Variants in THADA observed in about 807,000 individuals in gnomAD.
THADA encodes the protein THADA armadillo repeat containing.
A neutral mutation model predicts 219.8 loss-of-function variants in THADA; 213 were observed. The ratio of observed to expected loss-of-function variants is 0.97; its 90% CI spans 0.87 to 1.09. The LOEUF is 1.09. THADA is among the 50% of genes least tolerant of loss of function. The pLI is 0.00. For missense variants in THADA, 2,956 were observed against 2,311.3 expected (o/e 1.28, Z -5.72); for synonymous variants, 1,018 against 828.9 (o/e 1.23, Z -3.92).
rs146749321 is a variant in THADA at position 43,252,816 on chromosome 2, C to A, written c.5297-19934G>T. Among the ~76,000 whole-genome samples the A allele has an allele frequency of 4.0e-3, 616 of 152,332 alleles. 8 individuals carry two copies. The highest frequency in any genetic ancestry group is 0.013 in the African/African-American group (556 of 41,566). ...TTCTACTTTGAGCCACCAATTCCAGCTGAGTAGCGGCAGTCTGCTGATGAA... is the reference window on the plus strand; with the variant it reads ...TTCTACTTTGAGCCACCAATTCCAGATGAGTAGCGGCAGTCTGCTGATGAA... On this transcript the variant is annotated intron_variant, in intron 36 of 37. Coordinates refer to ENST00000405975, the MANE Select transcript of THADA (RefSeq NM_022065.5).
intron 30 of THADA, among the ~76,000 whole-genome samples, chr2:43,340,770 A>G (rs573091384): frequency 6.6e-6 from 1 of 152,268 alleles, no homozygotes; most frequent in South Asian, 2.1e-4. Context: ...AATTTGGAAT[A>G]CTCTGCACTG....
intron 30 of THADA, among the ~76,000 whole-genome samples, chr2:43,326,771 C>G (rs942536206): frequency 8.5e-5 from 13 of 152,174 alleles, no homozygotes; most frequent in African/African-American, 3.1e-4. Context: ...CACTGGACAG[C>G]TGGGGTCCCC....
chr2:43,332,757 C>A (rs2104502443), intron 30 of THADA, among the ~76,000 whole-genome samples: 1 of 152,282 alleles, frequency 6.6e-6, no homozygotes, highest in East Asian at 1.9e-4. Flanking sequence ...CCCAGTAAGC[C>A]AACAGCTACA....
chr2:43,372,908 TAG>T (rs1176359494), intron 29 of THADA, among the ~76,000 whole-genome samples: 1 of 152,130 alleles, frequency 6.6e-6, no homozygotes, highest in Non-Finnish European at 1.5e-5. Flanking sequence ...TTCACTATGT[TAG>T]CCAGGCTGCT....
intron 36 of THADA, among the ~76,000 whole-genome samples, chr2:43,271,308 C>T (rs1440610493): frequency 6.6e-6 from 1 of 151,616 alleles, no homozygotes; most frequent in African/African-American, 2.4e-5. Flanking sequence ...AGTTCCTCAT[C>T]AGCTGTTTGA....
chr2:43,489,922 C>CTGAATCTAT (rs1193462439), intron 25 of THADA, among the ~76,000 whole-genome samples: 1 of 140,440 alleles, frequency 7.1e-6, no homozygotes, highest in Non-Finnish European at 1.5e-5. Context: ...AGAGGTTGTG[C>CTGAATCTAT]TGAATCTATA....
At chr2:43,441,230 CCTT>C (rs1380706143) in intron 26 of THADA, among the ~76,000 whole-genome samples, 2 of 152,150 alleles carry the variant, frequency 1.3e-5, no homozygotes, top group Non-Finnish European at 2.9e-5. Flanking sequence ...CAGGAAGTGT[CCTT>C]CTAACATTCT....
chr2:43,474,819 G>C (rs62138766), intron 26 of THADA, among the ~76,000 whole-genome samples: 2 of 152,130 alleles, frequency 1.3e-5, no homozygotes, highest in East Asian at 1.9e-4. Context: ...TGTGTTTATA[G>C]AGTGGAAAAT....
At chr2:43,259,798 A>G (rs936303853) in intron 36 of THADA, among the ~76,000 whole-genome samples, 7 of 152,210 alleles carry the variant, frequency 4.6e-5, no homozygotes, top group Admixed American at 6.5e-5. Flanking sequence ...CCTTATACAT[A>G]TATCTTTGGC....
intron 25 of THADA, among the ~76,000 whole-genome samples, chr2:43,486,204 C>A (rs1408615421): frequency 1.3e-5 from 2 of 152,108 alleles, no homozygotes; most frequent in African/African-American, 4.8e-5. Context: ...AGTAACTTAC[C>A]AAGTAATTTC....
intron 12 of THADA, among the ~76,000 whole-genome samples, chr2:43,572,529 G>C (rs550533441): frequency 7.9e-5 from 12 of 152,232 alleles, no homozygotes; most frequent in African/African-American, 2.9e-4. Context: ...CCTTCCAAGC[G>C]AGTCCTTATG....
At chr2:43,438,003 C>T (rs1680335043) in intron 26 of THADA, among the ~76,000 whole-genome samples, 1 of 151,980 alleles carries the variant, frequency 6.6e-6, no homozygotes, top group Non-Finnish European at 1.5e-5. Context: ...AAAGGATGCT[C>T]AACTATACCA....
chr2:43,491,390 T>C (rs938038583), intron 25 of THADA, among the ~76,000 whole-genome samples: 1 of 152,020 alleles, frequency 6.6e-6, no homozygotes, highest in Non-Finnish European at 1.5e-5. Context: ...CATTAATAAG[T>C]AAAAAGGAGA....
At chr2:43,386,851 G>T (rs35491011) in intron 29 of THADA, among the ~76,000 whole-genome samples, 78,896 of 148,830 alleles carry the variant, frequency 0.53, 21,888 homozygotes, top group African/African-American at 0.65. Flanking sequence ...TGAGCCGAGA[G>T]CATGCCACTG....
At chr2:43,391,623 A>G (rs183549910) in intron 29 of THADA, among the ~76,000 whole-genome samples, 47 of 152,242 alleles carry the variant, frequency 3.1e-4, no homozygotes, top group Non-Finnish European at 5.4e-4. Context: ...TAAGAGCCCA[A>G]TGCTTCCCAA....
At chr2:43,536,295 C>T (rs1558929570) in intron 21 of THADA, among the ~76,000 whole-genome samples, 1 of 152,124 alleles carries the variant, frequency 6.6e-6, no homozygotes. Flanking sequence ...TATTCTGTTC[C>T]ACTGGTCTAT....
chr2:43,424,657 A>G (rs2104801058), intron 28 of THADA, among the ~76,000 whole-genome samples: 1 of 152,314 alleles, frequency 6.6e-6, no homozygotes, highest in East Asian at 1.9e-4. Flanking sequence ...ACTGCTTTTT[A>G]AAAATCTGTT....
chr2:43,530,567 CAG>C (rs980681904), intron 21 of THADA, among the ~76,000 whole-genome samples: 2 of 152,138 alleles, frequency 1.3e-5, no homozygotes, highest in African/African-American at 4.8e-5. Context: ...AAAATAAAAA[CAG>C]AAAGTCAATG....
At chr2:43,367,706 G>A (rs900962772) in intron 29 of THADA, among the ~76,000 whole-genome samples, 27 of 152,272 alleles carry the variant, frequency 1.8e-4, no homozygotes, top group African/African-American at 6.5e-4. Context: ...TGCAACAATG[G>A]GATGGTAAAG....
Sources: gnomAD v4.1 joint callset for allele counts (sites outside exome capture counted in the v4.1 genomes callset) on GRCh38, gnomAD v4.1.1 for gene constraint, MANE v1.5 for transcripts, NCBI Gene and HGNC (gene_info 2026-07-23, HGNC 2026-07-21) for gene names.